Variants in PRKG1 observed in about 807,000 individuals in gnomAD.
PRKG1 encodes protein kinase cGMP-dependent 1, also known as cGMP-dependent protein kinase 1.
Under a neutral mutation model 88.1 loss-of-function variants are expected in PRKG1, and 35 were observed. That is an observed-to-expected ratio of 0.40 (90% CI 0.30 to 0.53). The LOEUF is 0.53. Ranked by LOEUF, PRKG1 falls within the 20% of genes least tolerant of loss-of-function variation. The pLI is 0.59. For missense variants in PRKG1, 540 were observed against 839.8 expected (o/e 0.64, Z 4.41); for synonymous variants, 303 against 292.5 (o/e 1.04, Z -0.37).
chr10:51,153,343 A>G lies in PRKG1; in HGVS notation c.478+13A>G. On this transcript the variant is annotated intron_variant, in intron 2 of 17. Transcript: ENST00000373980. ...TATGTCATGGAAGGTACGGTTTGTA[A>G]CTCCAATCCTCTGACATTCAAATAT... The G allele has an allele frequency of 6.3e-7, 1 of 1,577,796 alleles. No individual in the cohort carries two copies. Among genetic ancestry groups the G allele is most frequent in the African/African-American group, 1.4e-5 (1 of 73,328 alleles).
chr10:52,042,974 A>C (rs1310071795), intron 5 of PRKG1, among the ~76,000 whole-genome samples: 1 of 152,134 alleles, frequency 6.6e-6, no homozygotes, highest in Non-Finnish European at 1.5e-5. Flanking sequence ...TATATAAAAA[A>C]TGTTTTTATC....
chr10:51,341,128 C>A (rs1373209193), intron 2 of PRKG1, among the ~76,000 whole-genome samples: 1 of 152,040 alleles, frequency 6.6e-6, no homozygotes, highest in Non-Finnish European at 1.5e-5. Context: ...GTTTAAATTG[C>A]CTTGAAGTCA....
chr10:51,324,357 T>C (rs552145760), intron 2 of PRKG1, among the ~76,000 whole-genome samples: 1 of 152,156 alleles, frequency 6.6e-6, no homozygotes, highest in Non-Finnish European at 1.5e-5. Flanking sequence ...GATGTTTGTC[T>C]TTCTGTGCTG....
chr10:51,807,019 C>T (rs570430506), intron 4 of PRKG1, among the ~76,000 whole-genome samples: 11 of 152,320 alleles, frequency 7.2e-5, no homozygotes, highest in African/African-American at 2.6e-4. Context: ...GGAGCTTCAT[C>T]TCTGCCATGT....
intron 9 of PRKG1, among the ~76,000 whole-genome samples, chr10:52,220,054 A>G (rs1306353640): frequency 3.9e-5 from 6 of 152,290 alleles, no homozygotes; most frequent in Admixed American, 6.5e-5. Flanking sequence ...TTAAAAAGTG[A>G]CATTACTTTC....
chr10:51,457,924 G>C (rs1476664789), intron 2 of PRKG1, among the ~76,000 whole-genome samples: 3 of 152,116 alleles, frequency 2.0e-5, no homozygotes, highest in Non-Finnish European at 4.4e-5. Context: ...TTCAAAGCAA[G>C]TCCTCTCACC....
chr10:51,649,175 T>C (rs555811179), intron 3 of PRKG1, among the ~76,000 whole-genome samples: 1 of 152,186 alleles, frequency 6.6e-6, no homozygotes, highest in Non-Finnish European at 1.5e-5. Context: ...TTTTGGTAGA[T>C]AGTCATAGAA....
intron 5 of PRKG1, among the ~76,000 whole-genome samples, chr10:51,941,061 T>A (rs2133028969): frequency 6.6e-6 from 1 of 152,092 alleles, no homozygotes; most frequent in Admixed American, 6.5e-5. Context: ...TTATTAAATT[T>A]CAGGATCCAT....
At chr10:51,613,764 G>A (rs1047814174) in intron 3 of PRKG1, among the ~76,000 whole-genome samples, 1 of 151,650 alleles carries the variant, frequency 6.6e-6, no homozygotes, top group Admixed American at 6.6e-5. Flanking sequence ...AGAACATGTT[G>A]TTTAATTTTA....
chr10:51,805,090 A>G (rs1348338129), intron 4 of PRKG1, among the ~76,000 whole-genome samples: 1 of 152,092 alleles, frequency 6.6e-6, no homozygotes, highest in Non-Finnish European at 1.5e-5. Context: ...CATCTTCTAA[A>G]CAGACTCACA....
chr10:52,155,518 C>G (rs376265677), intron 8 of PRKG1, among the ~76,000 whole-genome samples: 1 of 151,884 alleles, frequency 6.6e-6, no homozygotes, highest in Admixed American at 6.6e-5. Context: ...GTTTTCCACA[C>G]TTAACCATTA....
chr10:51,034,945 A>T (rs569754871), intron 1 of PRKG1, among the ~76,000 whole-genome samples: 1 of 152,108 alleles, frequency 6.6e-6, no homozygotes, highest in East Asian at 1.9e-4. Flanking sequence ...GGTGCTGAGA[A>T]CATTAACCTT....
At chr10:51,045,720 T>A (rs1321798997) in intron 1 of PRKG1, among the ~76,000 whole-genome samples, 1 of 152,242 alleles carries the variant, frequency 6.6e-6, no homozygotes, top group East Asian at 1.9e-4. Flanking sequence ...TTTATCTTTT[T>A]TAAACTAAAT....
At chr10:51,868,026 A>G (rs761496889) in intron 4 of PRKG1, among the ~76,000 whole-genome samples, 2 of 152,140 alleles carry the variant, frequency 1.3e-5, no homozygotes, top group Non-Finnish European at 2.9e-5. Context: ...TATACCAGTG[A>G]CTAGTAAATG....
chr10:51,515,528 C>T (rs997251489), intron 3 of PRKG1, among the ~76,000 whole-genome samples: 5 of 152,130 alleles, frequency 3.3e-5, no homozygotes, highest in African/African-American at 2.4e-5. Flanking sequence ...ATGAAATTAG[C>T]GGCTACAGTA....
At chr10:51,197,477 G>A (rs2132050146) in intron 2 of PRKG1, among the ~76,000 whole-genome samples, 1 of 151,868 alleles carries the variant, frequency 6.6e-6, no homozygotes, top group African/African-American at 2.4e-5. Context: ...TCACCAAGTT[G>A]GCCAGGCTGA....
chr10:51,433,305 G>C (rs534972817), intron 2 of PRKG1, among the ~76,000 whole-genome samples: 1 of 152,072 alleles, frequency 6.6e-6, no homozygotes, highest in Non-Finnish European at 1.5e-5. Context: ...GACTCTTCAC[G>C]TAGAAGAAAA....
intron 1 of PRKG1, among the ~76,000 whole-genome samples, chr10:51,126,531 A>C (rs1845426915): frequency 6.8e-6 from 1 of 146,858 alleles, no homozygotes; most frequent in Non-Finnish European, 1.5e-5. Flanking sequence ...AATCATATAA[A>C]TTTATTAAAA....
intron 2 of PRKG1, among the ~76,000 whole-genome samples, chr10:51,183,400 A>G (rs1837402965): frequency 6.6e-6 from 1 of 152,224 alleles, no homozygotes; most frequent in African/African-American, 2.4e-5. Context: ...GATCTCATGC[A>G]TTAAGTTCCA....
Sources: gnomAD v4.1 joint callset for allele counts (sites outside exome capture counted in the v4.1 genomes callset) on GRCh38, gnomAD v4.1.1 for gene constraint, MANE v1.5 for transcripts, NCBI Gene and HGNC (gene_info 2026-07-23, HGNC 2026-07-21) for gene names.